The following HCN1 variants were observed in gnomAD, a reference collection of about 807,000 sequenced individuals.
The protein encoded by HCN1 is potassium/sodium hyperpolarization-activated cyclic nucleotide-gated channel 1.
Under a neutral mutation model 78.9 loss-of-function variants are expected in HCN1, and 13 were observed. The ratio of observed to expected loss-of-function variants is 0.16; its 90% CI spans 0.11 to 0.26. HCN1 has a LOEUF of 0.26. Among genes scored for constraint, HCN1 ranks in the 10% least tolerant of loss-of-function variants. The pLI is 1.00. For missense variants in HCN1, 810 were observed against 1,154.3 expected (o/e 0.70, Z 4.32); for synonymous variants, 552 against 455.5 (o/e 1.21, Z -2.70).
intron 2 of HCN1, among the ~76,000 whole-genome samples, chr5:45,560,687 A>G (rs1743580490): frequency 6.6e-6 from 1 of 152,098 alleles, no homozygotes; most frequent in Non-Finnish European, 1.5e-5. Flanking sequence ...GTTTATATTC[A>G]TAAAAAACTA....
chr5:45,643,321 T>C (rs1745489187), intron 2 of HCN1: 1 of 152,112 alleles, frequency 6.6e-6, no homozygotes, highest in African/African-American at 2.4e-5. Flanking sequence ...ATATTAAAAA[T>C]AGTCACATTG....
At chr5:45,584,542 A>G (rs1744160897) in intron 2 of HCN1, among the ~76,000 whole-genome samples, 1 of 152,030 alleles carries the variant, frequency 6.6e-6, no homozygotes, top group Non-Finnish European at 1.5e-5. Flanking sequence ...TAAGGTTAAT[A>G]TTGTTATGTG....
intron 2 of HCN1, among the ~76,000 whole-genome samples, chr5:45,466,798 G>A (rs1483927750): frequency 6.6e-6 from 1 of 152,096 alleles, no homozygotes; most frequent in African/African-American, 2.4e-5. Context: ...TAGGTACAAA[G>A]TGTAGAAGGT....
intron 2 of HCN1, among the ~76,000 whole-genome samples, chr5:45,602,748 G>A (rs565559292): frequency 6.6e-6 from 1 of 152,192 alleles, no homozygotes; most frequent in Non-Finnish European, 1.5e-5. Context: ...GTGCTTGAGA[G>A]GCACCTTCTC....
intron 1 of HCN1, among the ~76,000 whole-genome samples, chr5:45,682,771 A>C (rs1580048724): frequency 6.6e-6 from 1 of 152,148 alleles, no homozygotes; most frequent in East Asian, 1.9e-4. Context: ...TCTATGAAAA[A>C]AAAGGCAGAG....
intron 2 of HCN1, among the ~76,000 whole-genome samples, chr5:45,471,883 A>C (rs2111652710): frequency 6.6e-6 from 1 of 152,004 alleles, no homozygotes; most frequent in South Asian, 2.1e-4. Flanking sequence ...TATTTTTTCA[A>C]AAACTTAATT....
intron 5 of HCN1, among the ~76,000 whole-genome samples, chr5:45,344,224 C>T (rs563040362): frequency 2.8e-4 from 42 of 152,138 alleles, no homozygotes; most frequent in African/African-American, 7.2e-4. Context: ...TAGCAGCATG[C>T]GGGTAACTGC....
At chr5:45,664,195 A>T (rs1220639614) in intron 1 of HCN1, among the ~76,000 whole-genome samples, 1 of 72,922 alleles carries the variant, frequency 1.4e-5, no homozygotes, top group East Asian at 3.6e-4. Flanking sequence ...ATTCTCAGTA[A>T]ACTATCGCAA....
chr5:45,633,438 T>C (rs1438689933), intron 2 of HCN1, among the ~76,000 whole-genome samples: 1 of 151,978 alleles, frequency 6.6e-6, no homozygotes, highest in East Asian at 1.9e-4. Flanking sequence ...CCTGCTCTCT[T>C]AGAAGCCTTT....
chr5:45,645,701 A>G (rs1035005838), intron 1 of HCN1, 93 bp from the exon 2 acceptor site: 4 of 678,174 alleles, frequency 5.9e-6, no homozygotes, highest in Non-Finnish European at 9.7e-6. Context: ...AGTGAGATCA[A>G]TAAGTAAAAG....
At chr5:45,471,872 T>A (rs1741396693) in intron 2 of HCN1, among the ~76,000 whole-genome samples, 1 of 151,942 alleles carries the variant, frequency 6.6e-6, no homozygotes. Context: ...GTGTCTATCA[T>A]TATTTTTTCA....
At chr5:45,328,433 T>C (rs1389357804) in intron 5 of HCN1, among the ~76,000 whole-genome samples, 2 of 151,578 alleles carry the variant, frequency 1.3e-5, no homozygotes, top group African/African-American at 4.8e-5. Context: ...CTGATGTGCT[T>C]TGGGGAAACT....
At chr5:45,374,274 A>ATGTACATTATATACATAACATATATATTG (rs1561130493) in intron 4 of HCN1, among the ~76,000 whole-genome samples, 4 of 97,226 alleles carry the variant, frequency 4.1e-5, no homozygotes, top group South Asian at 6.0e-4. Context: ...CATATATATT[A>ATGTACATTATATACATAACATATATATTG]TATACATTAT....
rs138737965 is a variant in HCN1 at position 45,289,475 on chromosome 5, C to T, written c.1618+14124G>A. 2.6e-5 allele frequency among the ~76,000 whole-genome samples: 4 copies of T among 151,874 alleles called. No individual in the cohort carries two copies. The East Asian group carries it at 7.8e-4, about 30-fold the overall frequency. ...GATACAATGGAGCATTATAATAATC[C>T]CTAAAGAAAGTAACACAACAGAATA... On this transcript the variant is annotated intron_variant, in intron 6 of 7. Coordinates refer to ENST00000303230, the MANE Select transcript of HCN1 (RefSeq NM_021072.4).
chr5:45,283,841 C>A (rs531317751), intron 6 of HCN1, among the ~76,000 whole-genome samples: 3 of 152,018 alleles, frequency 2.0e-5, no homozygotes, highest in Non-Finnish European at 4.4e-5. Flanking sequence ...CACATGCATG[C>A]GTATGTTGAT....
chr5:45,381,306 T>C (rs2112025665), intron 4 of HCN1, among the ~76,000 whole-genome samples: 1 of 152,270 alleles, frequency 6.6e-6, no homozygotes, highest in East Asian at 1.9e-4. Flanking sequence ...GATAAGTTTC[T>C]TCCCAAAACG....
At chr5:45,471,296 T>C (rs184166576) in intron 2 of HCN1, among the ~76,000 whole-genome samples, 329 of 152,018 alleles carry the variant, frequency 2.2e-3, no homozygotes, top group Non-Finnish European at 3.8e-3. Context: ...AAATTAAAAT[T>C]CCTTCCAATA....
rs1029707583 is a variant in HCN1, at chr5:45,393,203, T to C, written c.1230+3289A>G. Among the ~76,000 whole-genome samples the C allele has an allele frequency of 2.0e-5, 3 of 152,202 alleles. No homozygotes were observed. The South Asian group carries it at 6.2e-4, about 31-fold the overall frequency. On this transcript the variant is annotated intron_variant, in intron 4 of 7. Coordinates refer to ENST00000303230, the MANE Select transcript of HCN1 (RefSeq NM_021072.4). The stretch of plus-strand genomic sequence containing the variant: ...AAAAGTCTTTCATGTATATCAAGTA[T>C]ACCAAGGTGAGTTGCAAATCCCTGA...
At chr5:45,338,873 T>C (rs1561112922) in intron 5 of HCN1, among the ~76,000 whole-genome samples, 1 of 152,164 alleles carries the variant, frequency 6.6e-6, no homozygotes, top group Non-Finnish European at 1.5e-5. Context: ...TAACTTGTTA[T>C]CTTTCTGCCA....
Sources: allele counts gnomAD v4.1 joint callset (sites outside exome capture counted in the v4.1 genomes callset), GRCh38; gene constraint gnomAD v4.1.1; transcripts MANE v1.5; gene names NCBI Gene and HGNC (gene_info 2026-07-23, HGNC 2026-07-21).